The following SNX7 variants were observed in gnomAD, a reference collection of about 807,000 sequenced individuals.
The protein encoded by SNX7 is sorting nexin-7.
In SNX7, 35 loss-of-function variants were observed where a neutral mutation model predicts 48.4. That is an observed-to-expected ratio of 0.72 (90% CI 0.55 to 0.96). The LOEUF (loss-of-function observed/expected upper bound fraction) is 0.96. Among genes scored for constraint, SNX7 ranks in the 40% least tolerant of loss-of-function variants. The pLI, the probability that SNX7 is intolerant of heterozygous loss-of-function variation, is 0.00. For missense variants in SNX7, 553 were observed against 548.9 expected (o/e 1.01, Z -0.07); for synonymous variants, 190 against 190.2 (o/e 1.00, Z 0.01).
intron 1 of SNX7, among the ~76,000 whole-genome samples, chr1:98,663,026 A>G (rs1042309047): frequency 3.9e-5 from 6 of 152,234 alleles, no homozygotes; most frequent in Admixed American, 1.3e-4. Flanking sequence ...TTAAGTAGTA[A>G]AACAATGGAA....
chr1:98,672,930 CAAAAAA>C (rs57705068), intron 1 of SNX7, among the ~76,000 whole-genome samples: 23 of 88,526 alleles, frequency 2.6e-4, no homozygotes, highest in South Asian at 4.8e-4. Flanking sequence ...GACTCCGTCT[CAAAAAA>C]AAAAAAAAAA....
At chr1:98,691,252 C>T (rs1413204668) in intron 3 of SNX7, 67 bp downstream of exon 3, 8 of 903,892 alleles carry the variant, frequency 8.9e-6, no homozygotes, top group Admixed American at 5.4e-5. Context: ...TTTTGAATGC[C>T]TAAAACCTAA....
chr1:98,702,736 A>G (rs1651814529), intron 7 of SNX7, among the ~76,000 whole-genome samples: 1 of 152,144 alleles, frequency 6.6e-6, no homozygotes, highest in Non-Finnish European at 1.5e-5. Context: ...TGCCTCAGAC[A>G]GTGCTGCCTA....
At position 98,743,106 on chromosome 1, in the gene SNX7, C is replaced by T. The variant is rs538553865; in HGVS notation, c.1278+4717C>T. Among the ~76,000 whole-genome samples, 22 of 151,632 alleles carry T rather than the reference C, an allele frequency of 1.5e-4. No individual in the cohort carries two copies. The Middle Eastern group carries it at 0.01, about 71-fold the overall frequency. ...AAATAAGCAGGTCTATCTATGATTA[C>T]TGCATTTCTTATTCTATCAGTCTTA... On this transcript the variant is annotated intron_variant, in intron 8 of 8. Coordinates refer to ENST00000306121, the MANE Select transcript of SNX7 (RefSeq NM_015976.5).
At chr1:98,691,912 T>TACACAC (rs1553199329) in intron 4 of SNX7, among the ~76,000 whole-genome samples, 3 of 17,940 alleles carry the variant, frequency 1.7e-4, no homozygotes, top group Non-Finnish European at 1.1e-3. Flanking sequence ...TCTCCATATA[T>TACACAC]ATACACACAC....
intron 1 of SNX7, among the ~76,000 whole-genome samples, chr1:98,667,773 C>G (rs1157241209): frequency 6.6e-6 from 1 of 152,056 alleles, no homozygotes; most frequent in African/African-American, 2.4e-5. Flanking sequence ...AACTTAATGT[C>G]AATGCGTCAG....
intron 8 of SNX7, among the ~76,000 whole-genome samples, chr1:98,745,548 AACT>A (rs1654269730): frequency 6.6e-6 from 1 of 152,070 alleles, no homozygotes; most frequent in African/African-American, 2.4e-5. Flanking sequence ...AATATCTCAG[AACT>A]ACATTATACA....
chr1:98,710,278 G>A (rs937015332), intron 7 of SNX7, among the ~76,000 whole-genome samples: 3 of 152,170 alleles, frequency 2.0e-5, no homozygotes, highest in African/African-American at 4.8e-5. Flanking sequence ...ACATAAAAAT[G>A]TACAGTCTTG....
chr1:98,753,273 G>C (rs977643113), intron 8 of SNX7, among the ~76,000 whole-genome samples: 4 of 152,050 alleles, frequency 2.6e-5, no homozygotes, highest in Admixed American at 1.3e-4. Flanking sequence ...TTCTGCCTCT[G>C]GTATGGAAGA....
intron 8 of SNX7, among the ~76,000 whole-genome samples, chr1:98,747,977 A>G (rs898095807): frequency 3.7e-5 from 4 of 106,902 alleles, no homozygotes; most frequent in Non-Finnish European, 5.8e-5. Flanking sequence ...ACAGGTTTTT[A>G]CTTTTTTTTT....
intron 7 of SNX7, among the ~76,000 whole-genome samples, chr1:98,717,409 C>T (rs1652645181): frequency 6.6e-6 from 1 of 152,106 alleles, no homozygotes; most frequent in African/African-American, 2.4e-5. Flanking sequence ...ATTTTTGAAG[C>T]AGAACTTCAG....
intron 7 of SNX7, among the ~76,000 whole-genome samples, chr1:98,729,575 G>A (rs1223268068): frequency 4.6e-5 from 7 of 151,006 alleles, no homozygotes; most frequent in African/African-American, 7.3e-5. Flanking sequence ...ATGATGAAGG[G>A]GATATCATCA....
intron 8 of SNX7, among the ~76,000 whole-genome samples, chr1:98,739,694 AGT>A (rs1240572839): frequency 6.6e-6 from 1 of 151,274 alleles, no homozygotes. Flanking sequence ...GCCAGATAAG[AGT>A]GTGAGAAATG....
intron 8 of SNX7, 61 bp from the exon 9 acceptor site, chr1:98,759,993 A>G: frequency 4.6e-6 from 5 of 1,092,850 alleles, no homozygotes; most frequent in Non-Finnish European, 7.1e-6. Context: ...GAATTTATTA[A>G]TCCTTTAACA....
intron 7 of SNX7, among the ~76,000 whole-genome samples, chr1:98,735,208 G>A (rs1653713987): frequency 6.6e-6 from 1 of 152,132 alleles, no homozygotes; most frequent in Non-Finnish European, 1.5e-5. Context: ...AGTCAACTAA[G>A]GGGAAGGACA....
At chr1:98,678,491 T>G (rs1418219226) in intron 1 of SNX7, among the ~76,000 whole-genome samples, 2 of 152,254 alleles carry the variant, frequency 1.3e-5, no homozygotes, top group African/African-American at 4.8e-5. Context: ...ATTAATATCT[T>G]GGTTTTGTAA....
intron 7 of SNX7, among the ~76,000 whole-genome samples, chr1:98,714,775 C>T (rs1253312274): frequency 6.6e-6 from 1 of 152,138 alleles, no homozygotes; most frequent in Non-Finnish European, 1.5e-5. Context: ...AGAGGCGCAG[C>T]ACTATGGCAT....
intron 7 of SNX7, among the ~76,000 whole-genome samples, chr1:98,725,049 T>C (rs948728167): frequency 1.3e-5 from 2 of 152,170 alleles, no homozygotes. Context: ...TTACTTTCTA[T>C]GGTATAGGAA....
intron 1 of SNX7, among the ~76,000 whole-genome samples, chr1:98,680,584 C>G (rs1047297059): frequency 4.9e-4 from 75 of 152,246 alleles, no homozygotes; most frequent in African/African-American, 1.7e-3. Flanking sequence ...TAAACAGCAC[C>G]CAAGTCACCT....
Sources: gnomAD v4.1 joint callset for allele counts (sites outside exome capture counted in the v4.1 genomes callset) on GRCh38, gnomAD v4.1.1 for gene constraint, MANE v1.5 for transcripts, NCBI Gene and HGNC (gene_info 2026-07-23, HGNC 2026-07-21) for gene names.